The following PNKD variants were observed in gnomAD, a reference collection of about 807,000 sequenced individuals.
PNKD encodes PNKD metallo-beta-lactamase domain containing.
A neutral mutation model predicts 45.3 loss-of-function variants in PNKD; 36 were observed. The observed-to-expected ratio is 0.80, with a 90% CI of 0.61 to 1.05. The LOEUF is 1.05. Among genes scored for constraint, PNKD ranks in the 50% least tolerant of loss-of-function variants. The pLI is 0.00. For missense variants in PNKD, 511 were observed against 506.6 expected, an observed-to-expected ratio of 1.01 and a Z score of -0.08; for synonymous variants, 197 against 210.1, an observed-to-expected ratio of 0.94 and a Z score of 0.54.
At chr2:218,303,024 C>T (rs1296206958) in intron 2 of PNKD, among the ~76,000 whole-genome samples, 1 of 152,174 alleles carries the variant, frequency 6.6e-6, no homozygotes, top group Non-Finnish European at 1.5e-5. Flanking sequence ...ACTGCAACTT[C>T]TGCCTGCCAG....
chr2:218,276,356 T>G (rs1691211175), intron 2 of PNKD, among the ~76,000 whole-genome samples: 1 of 152,182 alleles, frequency 6.6e-6, no homozygotes, highest in African/African-American at 2.4e-5. Flanking sequence ...AAAAAAGCAG[T>G]TGAGTTACAG....
At chr2:218,325,067 G>T (rs1694109221) in intron 2 of PNKD, among the ~76,000 whole-genome samples, 1 of 130,622 alleles carries the variant, frequency 7.7e-6, no homozygotes, top group Non-Finnish European at 1.5e-5. Context: ...GAATGCAATG[G>T]CATGATCTCA....
At chr2:218,338,318 G>A (rs1574716270) in intron 2 of PNKD, among the ~76,000 whole-genome samples, 2 of 151,168 alleles carry the variant, frequency 1.3e-5, no homozygotes, top group Admixed American at 6.6e-5. Context: ...AAAAATTGCC[G>A]GGCATGGTGG....
At chr2:218,315,083 TCTCTCTCTCTC>T (rs1693765471) in intron 2 of PNKD, among the ~76,000 whole-genome samples, 2 of 71,552 alleles carry the variant, frequency 2.8e-5, no homozygotes, top group South Asian at 7.0e-4. Context: ...CCTTTCTTTC[TCTCTCTCTCTC>T]TCCTTCCTTC....
intron 2 of PNKD, among the ~76,000 whole-genome samples, chr2:218,311,683 A>G (rs1693620367): frequency 6.6e-6 from 1 of 152,048 alleles, no homozygotes; most frequent in Non-Finnish European, 1.5e-5. Flanking sequence ...AATAGAACAA[A>G]TGGGAATGGT....
intron 2 of PNKD, among the ~76,000 whole-genome samples, chr2:218,288,412 G>C (rs1341401410): frequency 6.6e-6 from 1 of 152,234 alleles, no homozygotes; most frequent in Non-Finnish European, 1.5e-5. Context: ...CTGGGCAACA[G>C]AGGGAGACTC....
chr2:218,324,583 A>G (rs1248279770), intron 2 of PNKD, among the ~76,000 whole-genome samples: 1 of 152,232 alleles, frequency 6.6e-6, no homozygotes, highest in Non-Finnish European at 1.5e-5. Context: ...GTCGCAGTTT[A>G]GATAATGTGC....
intron 2 of PNKD, among the ~76,000 whole-genome samples, chr2:218,314,222 C>CATTTTTT (rs764538692): frequency 1.5e-5 from 1 of 67,710 alleles, no homozygotes; most frequent in African/African-American, 6.5e-5. Context: ...CGCGCCCTGG[C>CATTTTTT]TTTTTTTTTT....
intron 2 of PNKD, chr2:218,323,118 G>T: frequency 1.6e-6 from 2 of 1,249,356 alleles, no homozygotes; most frequent in Non-Finnish European, 2.0e-6. Flanking sequence ...GTGGTGAGGG[G>T]GCGGGTCCAA....
intron 2 of PNKD, among the ~76,000 whole-genome samples, chr2:218,290,414 C>T (rs1040272610): frequency 5.3e-5 from 8 of 152,210 alleles, no homozygotes; most frequent in African/African-American, 2.4e-5. Context: ...CCTAACTCCT[C>T]GTCTCTTATA....
intron 2 of PNKD, among the ~76,000 whole-genome samples, chr2:218,337,534 T>A (rs1694533250): frequency 6.6e-6 from 1 of 152,230 alleles, no homozygotes; most frequent in South Asian, 2.1e-4. Context: ...CAAGAAAGGA[T>A]GCAGCAGAGT....
intron 2 of PNKD, among the ~76,000 whole-genome samples, chr2:218,313,508 G>A (rs1053590173): frequency 2.6e-5 from 4 of 152,104 alleles, no homozygotes; most frequent in East Asian, 1.9e-4. Flanking sequence ...TCAGGATCAC[G>A]TACTGCATTG....
At chr2:218,275,556 G>A in intron 2 of PNKD, 1 of 1,614,034 alleles carries the variant, frequency 6.2e-7, no homozygotes, top group South Asian at 1.1e-5. Flanking sequence ...CGCCAGTGAT[G>A]TAGTCCTCGG....
rs574301262 is a variant in PNKD at position 218,279,370 on chromosome 2, G to A, written c.236+7821G>A. ...GGAGTAAACCTGGACACAGACGGCC[G>A]GGCATGGGTCACCATCCGGCACCCC... On this transcript the variant is annotated intron_variant, in intron 2 of 9. Transcript: ENST00000273077. The A allele has an allele frequency of 2.8e-5, 43 of 1,541,712 alleles. No homozygotes were observed. In the Middle Eastern group the frequency reaches 5.3e-4, roughly 19 times the overall value.
chr2:218,286,908 C>G (rs978022408), intron 2 of PNKD: 2 of 152,174 alleles, frequency 1.3e-5, no homozygotes, highest in East Asian at 3.9e-4. Context: ...ACCCAGCAGG[C>G]GCAGGAGCAC....
intron 2 of PNKD, chr2:218,282,001 G>A (rs116439217): frequency 0.03 from 48,751 of 1,607,032 alleles, 868 homozygotes; most frequent in African/African-American, 0.046. Context: ...CAGGGTGACC[G>A]TAGCCAGGCT....
intron 9 of PNKD, 25 bp from the exon 10 acceptor site, chr2:218,344,783 C>T (rs761423434): frequency 6.2e-7 from 1 of 1,612,318 alleles, no homozygotes; most frequent in South Asian, 1.1e-5. Flanking sequence ...TTCTCTCCAC[C>T]AAACCTGGTT....
chr2:218,339,821 T>C lies in PNKD; in HGVS notation c.275T>C (p.Phe92Ser), dbSNP rs750786634. 8.1e-6 allele frequency: 13 copies of C among 1,613,846 alleles called. No individual in the cohort carries two copies. The South Asian group carries it at 1.4e-4, about 18-fold the overall frequency. Residue 92 changes from phenylalanine to serine, a missense_variant, in exon 3 of 10, where the codon TTC (phenylalanine) becomes TCC (serine). Transcript: ENST00000273077. ...ACCCGCACCTGGCTCGGGTACCTCT[T>C]CTACCGACAGCAGCTGCGCAGGGCT... ...LYTRTWLGYL[F>S]YRQQLRRARN...
At chr2:218,303,624 T>C (rs1035862053) in intron 2 of PNKD, among the ~76,000 whole-genome samples, 7 of 142,280 alleles carry the variant, frequency 4.9e-5, no homozygotes, top group Non-Finnish European at 1.1e-4. Flanking sequence ...TTGCCCAGGC[T>C]GGAATGCAGT....
Sources: allele counts gnomAD v4.1 joint callset (sites outside exome capture counted in the v4.1 genomes callset), GRCh38; gene constraint gnomAD v4.1.1; transcripts MANE v1.5; gene names NCBI Gene and HGNC (gene_info 2026-07-23, HGNC 2026-07-21).